Variants in PARM1 observed in about 807,000 individuals in gnomAD.
The protein encoded by PARM1 is prostate androgen-regulated mucin-like protein 1, also known as WSC4, cell wall integrity and stress response component 4 homolog.
Under a neutral mutation model 24.6 loss-of-function variants are expected in PARM1, and 14 were observed. That is an observed-to-expected ratio of 0.57 (90% confidence interval 0.38 to 0.89). PARM1 has a LOEUF of 0.89. Ranked by LOEUF, PARM1 falls within the 40% of genes least tolerant of loss-of-function variation. The probability of loss-of-function intolerance (pLI) is 0.00; values close to 1 mark genes in which losing one functional copy is unlikely to be tolerated. For missense variants in PARM1, 362 were observed against 380.4 expected (o/e 0.95, Z 0.40); for synonymous variants, 179 against 156.6 (o/e 1.14, Z -1.07).
At chr4:74,966,320 C>A (rs977191136) in intron 1 of PARM1, among the ~76,000 whole-genome samples, 1 of 152,018 alleles carries the variant, frequency 6.6e-6, no homozygotes, top group African/African-American at 2.4e-5. Context: ...GAGGGGAGAG[C>A]GATCAGGCTC....
intron 1 of PARM1, among the ~76,000 whole-genome samples, chr4:74,943,734 G>A (rs1247480959): frequency 1.3e-5 from 2 of 152,124 alleles, no homozygotes; most frequent in African/African-American, 2.4e-5. Flanking sequence ...TTCACCATTC[G>A]AGCATTTTTG....
At chr4:75,027,744 C>G (rs1163263371) in intron 2 of PARM1, among the ~76,000 whole-genome samples, 1 of 152,210 alleles carries the variant, frequency 6.6e-6, no homozygotes, top group East Asian at 1.9e-4. Context: ...CTAACTAGCC[C>G]TCTTCCCAAT....
chr4:75,019,880 G>A (rs1342020076), intron 2 of PARM1, among the ~76,000 whole-genome samples: 1 of 150,628 alleles, frequency 6.6e-6, no homozygotes, highest in African/African-American at 2.4e-5. Context: ...GCGGGCGCCT[G>A]TAGTCCCAGC....
intron 1 of PARM1, among the ~76,000 whole-genome samples, chr4:75,004,990 C>A (rs1722744434): frequency 6.6e-6 from 1 of 152,206 alleles, no homozygotes; most frequent in South Asian, 2.1e-4. Context: ...TCTGTCTTAT[C>A]ATCTGTGAAA....
At position 74,933,263 on chromosome 4, in the gene PARM1, G is replaced by A; in HGVS notation, c.-65G>A. On this transcript the variant is annotated 5_prime_UTR_variant, in exon 1 of 4. Transcript: ENST00000307428. ...AGAGGAGTCGCTACCAGCGCCCAGT[G>A]CGCTCTGTCAGTCCGCAAACTCCTT... The A allele has an allele frequency of 6.9e-7, 1 of 1,459,248 alleles. No homozygotes were observed. The highest frequency in any genetic ancestry group is 1.7e-4 in the Middle Eastern group (1 of 5,768). The allele number at this position is 1,459,248 out of a possible 1,614,324, so 90.4% of individuals were successfully genotyped here.
At chr4:75,042,438 G>A (rs1186121383) in intron 3 of PARM1, among the ~76,000 whole-genome samples, 1 of 152,154 alleles carries the variant, frequency 6.6e-6, no homozygotes, top group African/African-American at 2.4e-5. Context: ...ATGAAGCAAT[G>A]TTGCCTTATA....
At chr4:74,986,015 C>T (rs565127236) in intron 1 of PARM1, among the ~76,000 whole-genome samples, 2 of 152,300 alleles carry the variant, frequency 1.3e-5, no homozygotes, top group Admixed American at 6.5e-5. Flanking sequence ...GATCCACCTG[C>T]CTTGGCCTCC....
At chr4:74,987,226 A>G (rs900534410) in intron 1 of PARM1, among the ~76,000 whole-genome samples, 1 of 152,122 alleles carries the variant, frequency 6.6e-6, no homozygotes, top group African/African-American at 2.4e-5. Flanking sequence ...TTCCTAGAGG[A>G]AAGAATCTGG....
At chr4:74,949,835 CT>C (rs746995341) in intron 1 of PARM1, among the ~76,000 whole-genome samples, 5,271 of 135,670 alleles carry the variant, frequency 0.039, 290 homozygotes, top group African/African-American at 0.13. Context: ...GCCTCTTACT[CT>C]TTTTTTTTTT....
chr4:74,953,771 C>T (rs936309144), intron 1 of PARM1, among the ~76,000 whole-genome samples: 2 of 151,940 alleles, frequency 1.3e-5, no homozygotes, highest in Non-Finnish European at 2.9e-5. Flanking sequence ...GTTTGAAAAG[C>T]GATCCCCACC....
At chr4:75,035,779 G>A (rs1723357434) in intron 3 of PARM1, among the ~76,000 whole-genome samples, 1 of 152,076 alleles carries the variant, frequency 6.6e-6, no homozygotes, top group Non-Finnish European at 1.5e-5. Context: ...AGAGAAATTG[G>A]AATTAAAGGG....
chr4:74,982,030 G>A (rs1471195767), intron 1 of PARM1, among the ~76,000 whole-genome samples: 1 of 152,000 alleles, frequency 6.6e-6, no homozygotes, highest in Non-Finnish European at 1.5e-5. Context: ...AATAGCAAAG[G>A]CATGGCATCA....
chr4:75,016,545 AGCCCTTCCCCCATTCT>A (rs1277691567), intron 2 of PARM1, among the ~76,000 whole-genome samples: 1 of 152,074 alleles, frequency 6.6e-6, no homozygotes, highest in Non-Finnish European at 1.5e-5. Flanking sequence ...GTAGTTTTTC[AGCCCTTCCCCCATTCT>A]GCCTCCCTGC....
intron 1 of PARM1, chr4:74,956,418 C>T (rs998152755): frequency 3.3e-5 from 5 of 152,094 alleles, no homozygotes; most frequent in African/African-American, 1.2e-4. Flanking sequence ...GTAAGATAAA[C>T]TATATTCTTT....
chr4:75,029,459 G>A (rs751976174), intron 2 of PARM1, among the ~76,000 whole-genome samples: 1 of 152,270 alleles, frequency 6.6e-6, no homozygotes, highest in Admixed American at 6.5e-5. Context: ...TGCTGTTCTC[G>A]TGATAGTGAA....
intron 1 of PARM1, among the ~76,000 whole-genome samples, chr4:75,009,243 A>G (rs1335432107): frequency 1.3e-5 from 2 of 152,208 alleles, no homozygotes; most frequent in South Asian, 2.1e-4. Flanking sequence ...AATAAAGCCA[A>G]TTATTTTGAT....
At position 75,047,816 on chromosome 4, in the gene PARM1, T is replaced by G. The variant is rs1241060644; in HGVS notation, c.*1569T>G. On this transcript the variant is annotated 3_prime_UTR_variant, in exon 4 of 4. Transcript: ENST00000307428. ...AGTTTTTATTTCCAAAGTGTTTAGT[T>G]TATTGGCTGATGGGTTGTTCTTGGT... 1.3e-5 allele frequency: 2 copies of G among 152,196 alleles called. No homozygotes were observed. Among genetic ancestry groups the G allele is most frequent in the African/African-American group, 4.8e-5 (2 of 41,436 alleles). The allele number at this position is 152,196 out of a possible 1,614,324, so 9.4% of individuals were successfully genotyped here.
At chr4:75,042,199 T>C (rs1257591364) in intron 3 of PARM1, among the ~76,000 whole-genome samples, 1 of 152,218 alleles carries the variant, frequency 6.6e-6, no homozygotes, top group Non-Finnish European at 1.5e-5. Context: ...ATTTATAAAA[T>C]AACCATTATA....
intron 1 of PARM1, among the ~76,000 whole-genome samples, chr4:74,962,276 C>A (rs893589174): frequency 4.6e-5 from 7 of 151,230 alleles, no homozygotes; most frequent in Non-Finnish European, 1.0e-4. Context: ...ACCATAAGAA[C>A]CACAAAGAAA....
Sources: gnomAD v4.1 joint callset for allele counts (sites outside exome capture counted in the v4.1 genomes callset) on GRCh38, gnomAD v4.1.1 for gene constraint, MANE v1.5 for transcripts, NCBI Gene and HGNC (gene_info 2026-07-23, HGNC 2026-07-21) for gene names.